The following ATRNL1 variants were observed in gnomAD, a reference collection of about 807,000 sequenced individuals.
ATRNL1 encodes the protein attractin-like protein 1.
ATRNL1 carries 95 observed loss-of-function variants against 182.7 expected under a neutral mutation model. The ratio of observed to expected loss-of-function variants is 0.52; its 90% confidence interval spans 0.44 to 0.62. The LOEUF (loss-of-function observed/expected upper bound fraction) is 0.62, where lower values mean the gene tolerates loss of function less well. Ranked by LOEUF, ATRNL1 falls within the 20% of genes least tolerant of loss-of-function variation. The pLI, the probability that ATRNL1 is intolerant of heterozygous loss-of-function variation, is 0.00. For missense variants in ATRNL1, 1,471 were observed against 1,679.5 expected (o/e 0.88, Z 2.17); for synonymous variants, 576 against 568.3 (o/e 1.01, Z -0.19).
chr10:115,330,364 C>G (rs1592462921), intron 18 of ATRNL1, among the ~76,000 whole-genome samples: 1 of 152,050 alleles, frequency 6.6e-6, no homozygotes, highest in African/African-American at 2.4e-5. Context: ...CTTATTTTTA[C>G]CTGTCAGTTT....
Position 115,944,732 on chromosome 10 carries a change from G to C in ATRNL1, c.4093G>C (p.Val1365Leu). The C allele has an allele frequency of 6.2e-7, 1 of 1,613,794 alleles. No homozygotes were observed. The highest frequency in any genetic ancestry group is 1.1e-5 in the South Asian group (1 of 91,012). The part of the protein sequence containing the change: ...ASDSKDKTSG[V>L]RNRKHLSTRQ... Reference sequence around the variant, plus strand: ...AGATAGTAAAGATAAGACTTCTGGAGTCCGGAATCGAAAACACCTTTCAAC... The same window carrying C: ...AGATAGTAAAGATAAGACTTCTGGACTCCGGAATCGAAAACACCTTTCAAC... Residue 1365 changes from valine to leucine, a missense_variant, in exon 29 of 29, where the codon GTC becomes CTC. This residue lies in a region of ATRNL1 where 437 missense variants were observed against 506.0 expected (regional missense o/e 0.86). Coordinates refer to ENST00000355044, the MANE Select transcript of ATRNL1 (RefSeq NM_207303.4).
In ATRNL1 at chr10:115,321,834, T is replaced by A. The variant is rs191663340; in HGVS notation, c.3037+6098T>A. ...AGAAGGGAGTCAAATTGTACCTGTTTGCAGGTTACATAATCTTATATGTAG... is the reference window on the plus strand; with the variant it reads ...AGAAGGGAGTCAAATTGTACCTGTTAGCAGGTTACATAATCTTATATGTAG... On this transcript the variant is annotated intron_variant, in intron 18 of 28. Coordinates refer to ENST00000355044, the MANE Select transcript of ATRNL1 (RefSeq NM_207303.4). 2.2e-4 allele frequency among the ~76,000 whole-genome samples: 33 copies of A among 152,244 alleles called. 1 individual carries two copies. The highest frequency in any genetic ancestry group is 1.7e-3 in the East Asian group (9 of 5,180).
chr10:115,536,912 A>G (rs576919485), intron 25 of ATRNL1, among the ~76,000 whole-genome samples: 3 of 152,374 alleles, frequency 2.0e-5, no homozygotes, highest in East Asian at 1.9e-4. Context: ...TTTGCCAAAA[A>G]GTTTTTTAAA....
At chr10:115,650,170 A>G (rs1294185013) in intron 26 of ATRNL1, among the ~76,000 whole-genome samples, 1 of 152,106 alleles carries the variant, frequency 6.6e-6, no homozygotes, top group African/African-American at 2.4e-5. Context: ...TTTTCCTCCA[A>G]GCAAACGTGA....
intron 15 of ATRNL1, 80 bp from the exon 16 acceptor site, chr10:115,299,954 A>T: frequency 3.1e-6 from 3 of 972,066 alleles, no homozygotes; most frequent in Admixed American, 4.5e-5. Context: ...ATTTTTAATG[A>T]TAGTGAACTA....
At chr10:115,730,734 ATCAGTGTATTAG>A (rs1555062481) in intron 27 of ATRNL1, among the ~76,000 whole-genome samples, 1 of 152,104 alleles carries the variant, frequency 6.6e-6, no homozygotes. Context: ...TTACCCTGTC[ATCAGTGTATTAG>A]TCAGGGTTCT....
At chr10:115,458,264 G>C (rs1554969100) in intron 21 of ATRNL1, among the ~76,000 whole-genome samples, 2 of 152,064 alleles carry the variant, frequency 1.3e-5, no homozygotes, top group African/African-American at 4.8e-5. Flanking sequence ...TTGAAATTCT[G>C]AGGAGAAATA....
chr10:115,269,276 C>T (rs2133889856), intron 13 of ATRNL1, among the ~76,000 whole-genome samples: 1 of 152,080 alleles, frequency 6.6e-6, no homozygotes, highest in Non-Finnish European at 1.5e-5. Flanking sequence ...TAGAAGATAT[C>T]AACAAATTGA....
At chr10:115,155,910 A>G (rs1652723277) in intron 5 of ATRNL1, among the ~76,000 whole-genome samples, 1 of 152,108 alleles carries the variant, frequency 6.6e-6, no homozygotes, top group South Asian at 2.1e-4. Flanking sequence ...GTAGTTGTAG[A>G]GACAGGGATC....
intron 27 of ATRNL1, among the ~76,000 whole-genome samples, chr10:115,803,810 A>G (rs1949855319): frequency 6.6e-6 from 1 of 152,150 alleles, no homozygotes; most frequent in Non-Finnish European, 1.5e-5. Context: ...TTATGAACAT[A>G]TTAACTTATT....
At chr10:115,934,773 G>A (rs949510937) in intron 28 of ATRNL1, among the ~76,000 whole-genome samples, 3 of 151,996 alleles carry the variant, frequency 2.0e-5, no homozygotes, top group Admixed American at 1.3e-4. Context: ...TCCTTCCATG[G>A]CTCTTTCTGC....
At chr10:115,258,983 T>G (rs1554907884) in intron 10 of ATRNL1, among the ~76,000 whole-genome samples, 10 of 152,192 alleles carry the variant, frequency 6.6e-5, no homozygotes, top group African/African-American at 1.2e-4. Context: ...TGATCCTCCC[T>G]CTGGAAGCTT....
At chr10:115,142,033 A>T (rs1347104024) in intron 5 of ATRNL1, among the ~76,000 whole-genome samples, 1 of 152,166 alleles carries the variant, frequency 6.6e-6, no homozygotes, top group Non-Finnish European at 1.5e-5. Context: ...CTTGGGATAC[A>T]TCATGGAACA....
At chr10:115,293,443 A>G (rs1216820155) in intron 15 of ATRNL1, among the ~76,000 whole-genome samples, 2 of 151,846 alleles carry the variant, frequency 1.3e-5, no homozygotes, top group Non-Finnish European at 2.9e-5. Flanking sequence ...TATCCTTTCT[A>G]TCCTTTGTTC....
intron 10 of ATRNL1, among the ~76,000 whole-genome samples, chr10:115,251,382 G>T (rs1850870394): frequency 1.3e-5 from 2 of 152,168 alleles, no homozygotes; most frequent in Non-Finnish European, 2.9e-5. Flanking sequence ...CATTTGTTAA[G>T]CCTGTTTATT....
intron 9 of ATRNL1, among the ~76,000 whole-genome samples, chr10:115,219,719 A>G (rs990824773): frequency 6.6e-5 from 10 of 152,122 alleles, no homozygotes; most frequent in Non-Finnish European, 2.9e-5. Flanking sequence ...CCTGGCTAAC[A>G]TGGTGAAACC....
intron 27 of ATRNL1, among the ~76,000 whole-genome samples, chr10:115,840,657 G>A (rs552957646): frequency 2.6e-5 from 4 of 152,104 alleles, no homozygotes; most frequent in African/African-American, 9.6e-5. Flanking sequence ...TAACCACCAC[G>A]TTACACTTCC....
chr10:115,528,315 C>G (rs1554987264), intron 25 of ATRNL1, among the ~76,000 whole-genome samples: 1 of 151,908 alleles, frequency 6.6e-6, no homozygotes, highest in East Asian at 1.9e-4. Context: ...GGTTATAAAT[C>G]TATTCCATTT....
At chr10:115,231,550 TTA>T (rs1222648844) in intron 9 of ATRNL1, among the ~76,000 whole-genome samples, 9 of 152,056 alleles carry the variant, frequency 5.9e-5, no homozygotes, top group African/African-American at 2.2e-4. Context: ...GGAGAAATAA[TTA>T]TGTTTGTAGG....
Sources: gnomAD v4.1 joint callset for allele counts (sites outside exome capture counted in the v4.1 genomes callset) on GRCh38, gnomAD v4.1.1 for gene constraint, gnomAD v4.1.1 regional missense constraint, MANE v1.5 for transcripts, NCBI Gene and HGNC (gene_info 2026-07-23, HGNC 2026-07-21) for gene names.